Variants in ASH1L observed in about 807,000 individuals in gnomAD.
ASH1L encodes the protein histone-lysine N-methyltransferase ASH1L.
Under a neutral mutation model 269.0 loss-of-function variants are expected in ASH1L, and 23 were observed. The observed-to-expected ratio is 0.09, with a 90% CI of 0.06 to 0.12. The LOEUF is 0.12. Among genes scored for constraint, ASH1L ranks in the 10% least tolerant of loss-of-function variants. The probability of loss-of-function intolerance (pLI) is 1.00; values close to 1 mark genes in which losing one functional copy is unlikely to be tolerated. For synonymous variants in ASH1L, 1,187 were observed against 1,253.5 expected (o/e 0.95, Z 1.12); for missense variants, 2,912 against 3,567.8 (o/e 0.82, Z 4.68).
At chr1:155,349,215 G>A in intron 19 of ASH1L, 112 bp downstream of exon 19, 1 of 1,234,662 alleles carries the variant, frequency 8.1e-7, no homozygotes, top group Non-Finnish European at 1.1e-6. Context: ...AAAAATGACT[G>A]GCTTTTCCAA....
intron 2 of ASH1L, among the ~76,000 whole-genome samples, chr1:155,502,700 G>A (rs565890712): frequency 6.6e-6 from 1 of 152,292 alleles, no homozygotes; most frequent in African/African-American, 2.4e-5. Flanking sequence ...TTCAGGGAAC[G>A]TTTCACAGAA....
intron 1 of ASH1L, among the ~76,000 whole-genome samples, chr1:155,545,064 C>T (rs1157395930): frequency 6.8e-6 from 1 of 147,792 alleles, no homozygotes; most frequent in East Asian, 2.0e-4. Flanking sequence ...CCCAGCTACT[C>T]GGGAGGCTGA....
At chr1:155,518,035 C>T (rs978109804) in intron 2 of ASH1L, among the ~76,000 whole-genome samples, 1 of 151,764 alleles carries the variant, frequency 6.6e-6, no homozygotes, top group African/African-American at 2.4e-5. Flanking sequence ...CTCCTGACCT[C>T]GTGATCCGCC....
In ASH1L at chr1:155,352,791, A is replaced by T; in HGVS notation, c.7281T>A (p.Ala2427=). The T allele has an allele frequency of 6.2e-7, 1 of 1,614,214 alleles. No individual in the cohort carries two copies. The highest frequency in any genetic ancestry group is 8.5e-7 in the Non-Finnish European group (1 of 1,180,042). The change falls in exon 17 of 28, where the codon GCT becomes GCA. Residue 2427 remains alanine, a synonymous_variant. Transcript: ENST00000392403. ...GAGCCACTTCAATATTTTCCTCTGC[A>T]GCTGCCAACCGTCTTGTTCGAACAG... ...ARSVRTRRLA[A]AEENIEVARA...
In ASH1L at chr1:155,478,068, T is replaced by C. The variant is rs373441853; in HGVS notation, c.4802A>G (p.Asp1601Gly). Reference sequence around the variant, plus strand: ...ACTTGTGAAAAGGTTTGTATGTTCATCACTGCTGGCTGGCTCAGAGTTGGG... The same window carrying C: ...ACTTGTGAAAAGGTTTGTATGTTCACCACTGCTGGCTGGCTCAGAGTTGGG... ...FTPNSEPASS[D>G]EHTNLFTSAI... Residue 1601 changes from aspartate (D) to glycine (G), a missense_variant, in exon 3 of 28, where the codon GAT becomes GGT. Transcript: ENST00000392403. The surrounding 1 kb of genome is among the most constrained non-coding windows in gnomAD (Gnocchi z 4.6). The C allele has an allele frequency of 1.2e-6, 2 of 1,614,232 alleles. No homozygotes were observed. Among genetic ancestry groups the C allele is most frequent in the African/African-American group, 1.3e-5 (1 of 75,058 alleles).
At chr1:155,368,483 A>T in intron 12 of ASH1L, among the ~76,000 whole-genome samples, 1 of 149,482 alleles carries the variant, frequency 6.7e-6, no homozygotes. Flanking sequence ...TTTGAGACTG[A>T]GTCTCACTCT....
At chr1:155,532,891 A>G (rs990804343) in intron 1 of ASH1L, among the ~76,000 whole-genome samples, 3 of 142,484 alleles carry the variant, frequency 2.1e-5, no homozygotes, top group Non-Finnish European at 4.5e-5. Flanking sequence ...GTATATATAT[A>G]TGTATGTATG....
intron 10 of ASH1L, among the ~76,000 whole-genome samples, chr1:155,375,565 T>A (rs1656360435): frequency 2.0e-5 from 3 of 152,054 alleles, no homozygotes; most frequent in African/African-American, 7.2e-5. Flanking sequence ...GGCAAGAGGA[T>A]CACCTGAGGT....
intron 25 of ASH1L, 69 bp from the exon 26 acceptor site, chr1:155,339,437 A>G (rs1652585930): frequency 1.1e-5 from 16 of 1,455,444 alleles, no homozygotes; most frequent in Non-Finnish European, 1.4e-5. Flanking sequence ...CTCTGGGGCC[A>G]GTCAGGATAA....
At chr1:155,428,952 C>CTT (rs1163170795) in intron 5 of ASH1L, among the ~76,000 whole-genome samples, 4 of 152,150 alleles carry the variant, frequency 2.6e-5, no homozygotes, top group African/African-American at 7.2e-5. Context: ...GTGTGTGTGT[C>CTT]TTTAATTCCT....
chr1:155,431,251 C>A (rs1487641561), intron 5 of ASH1L, among the ~76,000 whole-genome samples: 1 of 150,646 alleles, frequency 6.6e-6, no homozygotes, highest in East Asian at 1.9e-4. Context: ...ATATAATATA[C>A]ATTATAAGAT....
intron 7 of ASH1L, among the ~76,000 whole-genome samples, chr1:155,383,804 C>A (rs1483846144): frequency 6.6e-6 from 1 of 152,066 alleles, no homozygotes; most frequent in African/African-American, 2.4e-5. Flanking sequence ...TTAATGGGTA[C>A]AGAGTTACAG....
At position 155,342,028 on chromosome 1, in the gene ASH1L, A is replaced by G. The variant is rs1466207680; in HGVS notation, c.8368T>C (p.Tyr2790His). The change falls in exon 25 of 28, where the codon TAC becomes CAC. Residue 2790 changes from tyrosine to histidine, a missense_variant. Physicochemically the swap from Tyr to His is moderately conservative, Grantham distance 83 (BLOSUM62 2). This residue lies in a region of ASH1L where 179 missense variants were observed against 293.8 expected (regional missense o/e 0.61). Transcript: ENST00000392403. ...GGATAGCGGTTCCGGTGGATCTTGT[A>G]AAACAGGTGTGCTGACTTGTCAAGC... is the stretch of plus-strand genomic sequence containing the variant. ...YRLDKSAHLF[Y>H]KIHRNRYPVC... 1 of 1,614,148 alleles carries G rather than the reference A, an allele frequency of 6.2e-7. No homozygotes were observed. The highest frequency in any genetic ancestry group is 8.5e-7 in the Non-Finnish European group (1 of 1,180,030).
Position 155,338,343 on chromosome 1 carries a change from C to A in ASH1L, c.8549G>T (p.Gly2850Val). 6.2e-7 allele frequency: 1 copy of A among 1,613,986 alleles called. No homozygotes were observed. Among genetic ancestry groups the A allele is most frequent in the Non-Finnish European group, 8.5e-7 (1 of 1,179,996 alleles). The change falls in exon 27 of 28, where the codon GGC (glycine) becomes GTC (valine). Residue 2850 changes from glycine (G) to valine (V), a missense_variant. By Grantham distance (109) the Gly-to-Val change is moderately radical. Coordinates refer to ENST00000392403, the MANE Select transcript of ASH1L (RefSeq NM_018489.3). ...CAAGGGTAGAGCATCATCCTCCTGG[C>A]CCAAGTCTTTTAGGGGTGGCTTTGA... ...ERSKPPLKDL[G>V]QEDDALPLIE... is the part of the protein sequence containing the mutation.
At chr1:155,532,735 A>C (rs1256500196) in intron 1 of ASH1L, among the ~76,000 whole-genome samples, 3 of 151,512 alleles carry the variant, frequency 2.0e-5, no homozygotes, top group African/African-American at 4.9e-5. Flanking sequence ...AGGCAGAAGA[A>C]TCACTTGAAC....
chr1:155,539,188 C>A (rs1670257154), intron 1 of ASH1L, among the ~76,000 whole-genome samples: 1 of 151,996 alleles, frequency 6.6e-6, no homozygotes, highest in Admixed American at 6.6e-5. Context: ...CACTCTGTCA[C>A]CCAGGCTGGA....
At chr1:155,461,539 C>T (rs1457514276) in intron 3 of ASH1L, among the ~76,000 whole-genome samples, 1 of 152,030 alleles carries the variant, frequency 6.6e-6, no homozygotes, top group Non-Finnish European at 1.5e-5. Context: ...AATAAATCCT[C>T]CTCGAGTGTG....
rs1463380568 is a variant in ASH1L at position 155,484,572 on chromosome 1, C to T, written c.421-2123G>A. 3.3e-5 allele frequency among the ~76,000 whole-genome samples: 5 copies of T among 152,024 alleles called. No individual in the cohort carries two copies. The East Asian group carries it at 9.6e-4, about 29-fold the overall frequency. On this transcript the variant is annotated intron_variant, in intron 2 of 27. Transcript: ENST00000392403. ...TATGAAAAGTAATTATTTTGAATTA[C>T]TATAAAACACAATATTGAGAATCTA...
In ASH1L at chr1:155,468,279, A is replaced by G. The variant is rs1664844979; in HGVS notation, c.4985-8381T>C. ...AACACATTCTATCAGAGAGTACATG[A>G]TATCACCATGCCTTATCATTGGTGA... On this transcript the variant is annotated intron_variant, in intron 3 of 27. Transcript: ENST00000392403. Among the ~76,000 whole-genome samples the G allele has an allele frequency of 3.3e-5, 5 of 150,978 alleles. No individual in the cohort carries two copies. The South Asian group carries it at 1.0e-3, about 32-fold the overall frequency.
Sources: gnomAD v4.1 joint callset for allele counts (sites outside exome capture counted in the v4.1 genomes callset) on GRCh38, gnomAD v4.1.1 for gene constraint, gnomAD v4.1.1 regional missense constraint, Gnocchi (gnomAD v3.1) non-coding constraint, MANE v1.5 for transcripts, NCBI Gene and HGNC (gene_info 2026-07-23, HGNC 2026-07-21) for gene names.